Variants in CHST11 observed in about 807,000 individuals in gnomAD.
The protein encoded by CHST11 is C4S-1.
In CHST11, 9 loss-of-function variants were observed where a neutral mutation model predicts 30.4. The observed-to-expected ratio is 0.30, with a 90% CI of 0.18 to 0.52. CHST11 has a LOEUF of 0.52. CHST11 is among the 20% of genes least tolerant of loss of function. The pLI is 0.97. For synonymous variants in CHST11, 152 were observed against 187.8 expected (o/e 0.81, Z 1.56); for missense variants, 348 against 460.6 (o/e 0.76, Z 2.24).
At chr12:104,582,700 T>A (rs2038758859) in intron 1 of CHST11, among the ~76,000 whole-genome samples, 1 of 152,106 alleles carries the variant, frequency 6.6e-6, no homozygotes, top group Non-Finnish European at 1.5e-5. Context: ...AGAACCTCTC[T>A]GCACTTGTTT....
chr12:104,735,494 G>T (rs2040292990), intron 2 of CHST11, among the ~76,000 whole-genome samples: 2 of 152,204 alleles, frequency 1.3e-5, no homozygotes, highest in African/African-American at 4.8e-5. Context: ...ATACCTGACT[G>T]ATCCAAGCCT....
At chr12:104,755,260 C>T (rs1384994584) in intron 2 of CHST11, among the ~76,000 whole-genome samples, 1 of 152,214 alleles carries the variant, frequency 6.6e-6, no homozygotes, top group East Asian at 1.9e-4. Context: ...GAGGATTTCA[C>T]GGATACAGCT....
intron 2 of CHST11, among the ~76,000 whole-genome samples, chr12:104,637,362 G>T: frequency 7.6e-6 from 1 of 131,394 alleles, no homozygotes; most frequent in Non-Finnish European, 1.6e-5. Flanking sequence ...GGGAGGGATA[G>T]CATTAGGAGA....
intron 1 of CHST11, among the ~76,000 whole-genome samples, chr12:104,546,053 A>G (rs552508086): frequency 1.3e-5 from 2 of 152,254 alleles, no homozygotes; most frequent in East Asian, 3.9e-4. Flanking sequence ...TTCTAATACC[A>G]GCACATTGGG....
intron 1 of CHST11, among the ~76,000 whole-genome samples, chr12:104,468,186 A>G (rs999761340): frequency 2.6e-5 from 4 of 152,124 alleles, no homozygotes; most frequent in African/African-American, 7.2e-5. Context: ...GAAATTTTAA[A>G]TAGGATTGTC....
chr12:104,527,367 C>A (rs1275249484), intron 1 of CHST11, among the ~76,000 whole-genome samples: 1 of 152,172 alleles, frequency 6.6e-6, no homozygotes, highest in African/African-American at 2.4e-5. Context: ...TATTTCCAAC[C>A]TCATGGAGTG....
At chr12:104,527,738 A>G (rs1294987156) in intron 1 of CHST11, among the ~76,000 whole-genome samples, 1 of 152,234 alleles carries the variant, frequency 6.6e-6, no homozygotes, top group Non-Finnish European at 1.5e-5. Flanking sequence ...CTGTTTCCAC[A>G]CTGCTGTAAA....
At chr12:104,594,923 G>C (rs7301126) in intron 1 of CHST11, among the ~76,000 whole-genome samples, 43,008 of 152,144 alleles carry the variant, frequency 0.28, 6,231 homozygotes, top group African/African-American at 0.34. Flanking sequence ...CTCCAGCCTG[G>C]ATGACAGAGC....
intron 2 of CHST11, among the ~76,000 whole-genome samples, chr12:104,691,515 G>A (rs1480960492): frequency 1.3e-5 from 2 of 148,426 alleles, no homozygotes; most frequent in Non-Finnish European, 3.0e-5. Context: ...TTGAGATGGA[G>A]TCTCACTCTG....
chr12:104,485,073 C>T (rs1377942737), intron 1 of CHST11, among the ~76,000 whole-genome samples: 4 of 152,114 alleles, frequency 2.6e-5, no homozygotes, highest in Admixed American at 2.6e-4. Flanking sequence ...AAACTTACCC[C>T]AGAAATTTGG....
chr12:104,524,168 G>A (rs1565974202), intron 1 of CHST11, among the ~76,000 whole-genome samples: 1 of 151,672 alleles, frequency 6.6e-6, no homozygotes, highest in South Asian at 2.1e-4. Context: ...ACAGTGACTC[G>A]AGAATAGGAA....
chr12:104,576,989 G>A (rs1157005101), intron 1 of CHST11, among the ~76,000 whole-genome samples: 1 of 151,504 alleles, frequency 6.6e-6, no homozygotes, highest in Non-Finnish European at 1.5e-5. Flanking sequence ...AGGGTGCCAG[G>A]AACATTCATA....
chr12:104,483,081 G>C (rs1026909223), intron 1 of CHST11, among the ~76,000 whole-genome samples: 1 of 152,108 alleles, frequency 6.6e-6, no homozygotes, highest in African/African-American at 2.4e-5. Context: ...GCCTCCTGGT[G>C]CAATATCTCC....
intron 2 of CHST11, among the ~76,000 whole-genome samples, chr12:104,710,503 C>G (rs1259178166): frequency 2.0e-5 from 3 of 152,112 alleles, no homozygotes; most frequent in Non-Finnish European, 4.4e-5. Context: ...CATCCTATAC[C>G]CTTCCAGGGG....
At chr12:104,654,906 G>A (rs2039528137) in intron 2 of CHST11, among the ~76,000 whole-genome samples, 1 of 145,190 alleles carries the variant, frequency 6.9e-6, no homozygotes, top group South Asian at 2.3e-4. Flanking sequence ...CAGAACAGGA[G>A]TGGTCATAGC....
chr12:104,586,122 C>T (rs2038802153), intron 1 of CHST11, among the ~76,000 whole-genome samples: 1 of 152,164 alleles, frequency 6.6e-6, no homozygotes, highest in Non-Finnish European at 1.5e-5. Context: ...TTGTACACTG[C>T]AATCCATGGT....
At chr12:104,478,263 G>A (rs1027424108) in intron 1 of CHST11, among the ~76,000 whole-genome samples, 2 of 152,080 alleles carry the variant, frequency 1.3e-5, no homozygotes, top group Non-Finnish European at 2.9e-5. Context: ...AGGAAGGCCT[G>A]GGTATATTTT....
intron 1 of CHST11, among the ~76,000 whole-genome samples, chr12:104,578,964 C>G (rs1367553977): frequency 2.0e-5 from 3 of 152,154 alleles, no homozygotes; most frequent in African/African-American, 7.2e-5. Flanking sequence ...TGTTGAGGGC[C>G]TATTTTGGGC....
intron 1 of CHST11, among the ~76,000 whole-genome samples, chr12:104,538,970 T>C (rs1231776485): frequency 6.6e-6 from 1 of 152,198 alleles, no homozygotes; most frequent in African/African-American, 2.4e-5. Context: ...TATAAAGCAG[T>C]CACACTTATT....
Sources: gnomAD v4.1 joint callset for allele counts (sites outside exome capture counted in the v4.1 genomes callset) on GRCh38, gnomAD v4.1.1 for gene constraint, MANE v1.5 for transcripts, NCBI Gene and HGNC (gene_info 2026-07-23, HGNC 2026-07-21) for gene names.